Variants in TTC39C observed in about 807,000 individuals in gnomAD.
TTC39C encodes tetratricopeptide repeat domain 39C, also known as tetratricopeptide repeat protein 39C.
Under a neutral mutation model 76.3 loss-of-function variants are expected in TTC39C, and 33 were observed. The observed-to-expected ratio is 0.43, with a 90% CI of 0.33 to 0.58. The LOEUF is 0.58. TTC39C is among the 20% of genes least tolerant of loss of function. The probability of loss-of-function intolerance (pLI) is 0.04; values close to 1 mark genes in which losing one functional copy is unlikely to be tolerated. For missense variants in TTC39C, 595 were observed against 701.4 expected (o/e 0.85, Z 1.71); for synonymous variants, 254 against 260.6 (o/e 0.97, Z 0.24).
chr18:24,078,545 G>GA (rs1296738611), intron 4 of TTC39C, among the ~76,000 whole-genome samples: 1 of 152,214 alleles, frequency 6.6e-6, no homozygotes, highest in Non-Finnish European at 1.5e-5. Context: ...TCAGCAAAGG[G>GA]AAAAAGCACA....
At position 24,118,119 on chromosome 18, in the gene TTC39C, T is replaced by C. The variant is rs2084919400; in HGVS notation, c.1079-6T>C. The C allele has an allele frequency of 3.1e-6, 5 of 1,611,820 alleles. No individual in the cohort carries two copies. The highest frequency in any genetic ancestry group is 1.7e-4 in the Middle Eastern group (1 of 6,040). ...GGGTCATGTGCTAAAAATATTTCTTTCATAGGTTGGTGCAGCATGATAGAG... is the reference window on the plus strand; with the variant it reads ...GGGTCATGTGCTAAAAATATTTCTTCCATAGGTTGGTGCAGCATGATAGAG... On this transcript the variant is annotated splice_region_variant and splice_polypyrimidine_tract_variant and intron_variant, in intron 7 of 13. Coordinates refer to ENST00000317571, the MANE Select transcript of TTC39C (RefSeq NM_001135993.2).
At chr18:24,014,730 C>G, upstream of TTC39C, 2 of 1,133,286 alleles carry the variant, frequency 1.8e-6, no homozygotes, top group Non-Finnish European at 2.2e-6. Context: ...CCCTCCTCTT[C>G]CCTCCCGTCT....
At chr18:24,111,131 C>T (rs1369714172) in intron 6 of TTC39C, among the ~76,000 whole-genome samples, 3 of 152,066 alleles carry the variant, frequency 2.0e-5, no homozygotes, top group Non-Finnish European at 4.4e-5. Flanking sequence ...GCTGGGACTA[C>T]AGACATGTGC....
At chr18:24,085,263 C>T (rs2084426032) in intron 6 of TTC39C, among the ~76,000 whole-genome samples, 2 of 152,000 alleles carry the variant, frequency 1.3e-5, no homozygotes, top group South Asian at 4.2e-4. Context: ...CAGTGAGGCC[C>T]CTTAGCTTTG....
At chr18:24,102,814 C>A (rs1011568750) in intron 6 of TTC39C, among the ~76,000 whole-genome samples, 1 of 152,160 alleles carries the variant, frequency 6.6e-6, no homozygotes, top group Non-Finnish European at 1.5e-5. Flanking sequence ...TTTGCTTAAA[C>A]GCTCTTTACC....
At position 24,134,257 on chromosome 18, in the gene TTC39C, G is replaced by GTTGTTTTTTTTTTTT. The variant is rs1555779358; in HGVS notation, c.*1685_*1686insGTTTTTTTTTTTTTT. 18 of 48,722 alleles carry GTTGTTTTTTTTTTTT rather than the reference G, an allele frequency of 3.7e-4. 5 individuals carry two copies. The highest frequency in any genetic ancestry group is 1.1e-3 in the African/African-American group (18 of 16,744). The allele number at this position is 48,722 out of a possible 1,614,324, so 3.0% of individuals were successfully genotyped here. ...TGGTGCCCAAAAATATTGGACATCTGTTTTTTGTTTTTTTTTTTTTTTTTT... is the reference window on the plus strand; with the variant it reads ...TGGTGCCCAAAAATATTGGACATCTGTTGTTTTTTTTTTTTTTTTTTGTTTTTTTTTTTTTTTTTT... On this transcript the variant is annotated 3_prime_UTR_variant, in exon 14 of 14. Transcript: ENST00000317571.
At chr18:23,996,681 T>C (rs922248035) in intron 1 of TTC39C, among the ~76,000 whole-genome samples, 3 of 152,198 alleles carry the variant, frequency 2.0e-5, no homozygotes, top group East Asian at 1.9e-4. Context: ...ATCAGGACTT[T>C]TGAGGATGAG....
intron 8 of TTC39C, among the ~76,000 whole-genome samples, chr18:24,123,276 AC>A (rs1428657049): frequency 6.6e-6 from 1 of 152,224 alleles, no homozygotes; most frequent in East Asian, 1.9e-4. Context: ...CAACAAGAGG[AC>A]AAGGACCATG....
rs971202867 is a variant in TTC39C at position 24,057,635 on chromosome 18, G to A, written c.168-6505G>A. On this transcript the variant is annotated intron_variant, in intron 1 of 13. Transcript: ENST00000317571. ...TGAGATTAATTCATGTTATTGCGTT[G>A]AGTGAATATGCTGTAATACTAGATC... Among the ~76,000 whole-genome samples, 6 of 152,244 alleles carry A rather than the reference G, an allele frequency of 3.9e-5. No homozygotes were observed. In the South Asian group the frequency reaches 1.2e-3, roughly 32 times the overall value.
chr18:24,076,743 G>C (rs972302513), intron 4 of TTC39C: 1 of 152,014 alleles, frequency 6.6e-6, no homozygotes, highest in Non-Finnish European at 1.5e-5. Context: ...AAAAACGTTG[G>C]GTTCTGTTTC....
In TTC39C at chr18:24,080,822, T is replaced by TG; in HGVS notation, c.699dup (p.Pro234AlafsTer31). 6.2e-7 allele frequency: 1 copy of TG among 1,614,162 alleles called. No individual in the cohort carries two copies. Among genetic ancestry groups the TG allele is most frequent in the South Asian group, 1.1e-5 (1 of 91,084 alleles). On this transcript the variant is annotated frameshift_variant, in exon 5 of 14. Transcript: ENST00000317571. LOFTEE classifies it high-confidence loss of function. ...CTTTTTCACCTTTGCATATCCATGG[T>TG]GCCCCCAAACCTGCTCAAAATCATC...
rs2085156940 is a variant in TTC39C, at chr18:24,133,245, A to G, written c.*671A>G. 6.6e-6 allele frequency: 1 copy of G among 152,218 alleles called. No individual in the cohort carries two copies. Among genetic ancestry groups the G allele is most frequent in the African/African-American group, 2.4e-5 (1 of 41,466 alleles). 9.4% of individuals were successfully genotyped at this position (152,218 alleles called of 1,614,324 possible). A position where few individuals can be genotyped will look rare whatever the true frequency, so the allele number is the denominator to read the frequency against. ...TTAATAGGCCAGAATTCCATGTTTT[A>G]CTTATTAAAAGAACAAAATCTTCAG... On this transcript the variant is annotated 3_prime_UTR_variant, in exon 14 of 14. Coordinates refer to ENST00000317571, the MANE Select transcript of TTC39C (RefSeq NM_001135993.2).
intron 3 of TTC39C, among the ~76,000 whole-genome samples, chr18:24,066,868 C>G (rs2084172238): frequency 6.6e-6 from 1 of 152,196 alleles, no homozygotes; most frequent in Admixed American, 6.5e-5. Context: ...CAGAGTTTTC[C>G]TAGCTTCCTC....
chr18:24,039,565 C>T (rs1568414792), intron 1 of TTC39C, among the ~76,000 whole-genome samples: 1 of 152,228 alleles, frequency 6.6e-6, no homozygotes, highest in Non-Finnish European at 1.5e-5. Flanking sequence ...CTCCTGGCCT[C>T]AAGCGATCCT....
intron 1 of TTC39C, among the ~76,000 whole-genome samples, chr18:23,997,950 G>C (rs2083282896): frequency 1.3e-5 from 2 of 152,094 alleles, no homozygotes; most frequent in African/African-American, 2.4e-5. Flanking sequence ...GCATAGAAAT[G>C]TGTGTTCTAC....
intron 1 of TTC39C, among the ~76,000 whole-genome samples, chr18:24,044,083 TG>T (rs2083832962): frequency 1.3e-5 from 2 of 151,594 alleles, no homozygotes; most frequent in Non-Finnish European, 2.9e-5. Flanking sequence ...TGTGTGTGTG[TG>T]TGTGTGTTTA....
intron 4 of TTC39C, among the ~76,000 whole-genome samples, chr18:24,076,161 G>A (rs1049091456): frequency 2.0e-5 from 3 of 151,988 alleles, no homozygotes; most frequent in Non-Finnish European, 2.9e-5. Flanking sequence ...GTATTTTTTA[G>A]TAGAGACAGG....
Position 24,106,627 on chromosome 18 carries a change from A to AT in TTC39C, c.985-7926dup, listed in dbSNP as rs569928853. On this transcript the variant is annotated intron_variant, in intron 6 of 13. Transcript: ENST00000317571. ...GGGGCACATAATTTATCAGAGACCC[A>AT]TGGGGATGAGGGGATGAGTACACCT... Among the ~76,000 whole-genome samples the AT allele has an allele frequency of 1.1e-4, 17 of 152,264 alleles. 1 individual carries two copies. The South Asian group carries it at 3.3e-3, about 30-fold the overall frequency.
chr18:24,091,898 G>A (rs531759041), intron 6 of TTC39C, among the ~76,000 whole-genome samples: 24 of 151,734 alleles, frequency 1.6e-4, no homozygotes, highest in East Asian at 7.8e-4. Context: ...GACCATCCTG[G>A]CTAACATGAT....
Sources: gnomAD v4.1 joint callset for allele counts (sites outside exome capture counted in the v4.1 genomes callset) on GRCh38, gnomAD v4.1.1 for gene constraint, MANE v1.5 for transcripts, NCBI Gene and HGNC (gene_info 2026-07-23, HGNC 2026-07-21) for gene names.